Variants in SLC36A1 observed in about 807,000 individuals in gnomAD.
The protein encoded by SLC36A1 is proton-coupled amino acid transporter 1.
Under a neutral mutation model 47.5 loss-of-function variants are expected in SLC36A1, and 30 were observed. That is an observed-to-expected ratio of 0.63 (90% confidence interval 0.47 to 0.86). SLC36A1 has a LOEUF of 0.86. Ranked by LOEUF, SLC36A1 falls within the 40% of genes least tolerant of loss-of-function variation. The probability of loss-of-function intolerance (pLI) is 0.00; values close to 1 mark genes in which losing one functional copy is unlikely to be tolerated. For synonymous variants in SLC36A1, 255 were observed against 249.7 expected, an observed-to-expected ratio of 1.02 and a Z score of -0.20; for missense variants, 517 against 606.0, an observed-to-expected ratio of 0.85 and a Z score of 1.54.
chr5:151,478,760 G>T (rs1207962164), intron 9 of SLC36A1, among the ~76,000 whole-genome samples: 1 of 152,006 alleles, frequency 6.6e-6, no homozygotes, highest in Non-Finnish European at 1.5e-5. Context: ...TTTTTTGTTT[G>T]TTTGTTTGTT....
the SLC36A1 span, chr5:151,380,297 C>T: frequency 1.1e-5 from 3 of 266,772 alleles, no homozygotes; most frequent in Non-Finnish European, 7.5e-6. Flanking sequence ...CCAGCTTGGC[C>T]AACGTGGTGA....
At chr5:151,440,763 CTGA>C (rs1752578399) in intron 1 of SLC36A1, among the ~76,000 whole-genome samples, 1 of 152,118 alleles carries the variant, frequency 6.6e-6, no homozygotes, top group Non-Finnish European at 1.5e-5. Context: ...TCTCACTTTC[CTGA>C]TGATGAAACC....
the SLC36A1 span, chr5:151,521,473 G>C: frequency 6.8e-6 from 11 of 1,614,108 alleles, no homozygotes; most frequent in East Asian, 1.8e-4. Flanking sequence ...CATCTCCTTG[G>C]CTGAGTGAGT....
the SLC36A1 span, chr5:151,549,560 G>A: frequency 7.3e-6 from 11 of 1,516,674 alleles, no homozygotes; most frequent in Non-Finnish European, 9.1e-6. Flanking sequence ...GGAGGAGGCA[G>A]GGTTAGGGTA....
chr5:151,485,185 G>C (rs1449817231), intron 10 of SLC36A1, among the ~76,000 whole-genome samples: 1 of 152,164 alleles, frequency 6.6e-6, no homozygotes, highest in Non-Finnish European at 1.5e-5. Context: ...TAGTAGTTTT[G>C]AGTTTCAGGG....
At chr5:151,389,234 T>C in the SLC36A1 span, among the ~76,000 whole-genome samples, 74,544 of 151,840 alleles carry the variant, frequency 0.49, 20,158 homozygotes, top group African/African-American at 0.74. Flanking sequence ...GTCTGAAGCA[T>C]GCAATACACC....
At chr5:151,523,214 A>G in the SLC36A1 span, among the ~76,000 whole-genome samples, 1 of 152,222 alleles carries the variant, frequency 6.6e-6, no homozygotes, top group African/African-American at 2.4e-5. Context: ...AACAATAATA[A>G]TTAACACTAC....
chr5:151,354,025 C>T, the SLC36A1 span, among the ~76,000 whole-genome samples: 9 of 152,122 alleles, frequency 5.9e-5, no homozygotes, highest in African/African-American at 1.7e-4. Flanking sequence ...TACTATCTGC[C>T]GGGTGCAGTG....
chr5:151,551,345 G>T, the SLC36A1 span: 6 of 1,039,288 alleles, frequency 5.8e-6, no homozygotes, highest in African/African-American at 1.6e-5. Flanking sequence ...CAAGAACTTT[G>T]ATTCTAAATT....
chr5:151,391,404 G>T, the SLC36A1 span, among the ~76,000 whole-genome samples: 1 of 152,024 alleles, frequency 6.6e-6, no homozygotes, highest in Non-Finnish European at 1.5e-5. Context: ...TCTTTCTCCT[G>T]CCTGATTGCC....
At chr5:151,468,266 A>AATATATATATATATATATATAT (rs1554113501) in intron 7 of SLC36A1, among the ~76,000 whole-genome samples, 1 of 63,830 alleles carries the variant, frequency 1.6e-5, no homozygotes, top group African/African-American at 8.8e-5. Flanking sequence ...AAAAAAAAAA[A>AATATATATATATATATATATAT]ATATATATAT....
the SLC36A1 span, among the ~76,000 whole-genome samples, chr5:151,515,465 A>T: frequency 0.79 from 119,712 of 152,090 alleles, 47,584 homozygotes; most frequent in East Asian, 0.96. Context: ...GGCTTGTCTT[A>T]CCAGATCCAC....
chr5:151,423,499 C>G, the SLC36A1 span, among the ~76,000 whole-genome samples: 1 of 152,088 alleles, frequency 6.6e-6, no homozygotes, highest in Non-Finnish European at 1.5e-5. Flanking sequence ...CATGGAGGAG[C>G]CTTAAATGCA....
chr5:151,521,729 C>G, the SLC36A1 span: 3 of 1,614,048 alleles, frequency 1.9e-6, no homozygotes, highest in Non-Finnish European at 2.5e-6. Context: ...TCCTGCCCCA[C>G]ATGCCACACG....
downstream of SLC36A1, among the ~76,000 whole-genome samples, chr5:151,494,889 G>GT (rs1760294182): frequency 6.6e-6 from 1 of 152,076 alleles, no homozygotes; most frequent in African/African-American, 2.4e-5. Context: ...CCATTCGCAA[G>GT]TTTTGGGCTC....
rs182875580 is a variant in SLC36A1, at chr5:151,458,945, T to C, written c.143+10T>C. On this transcript the variant is annotated intron_variant, in intron 2 of 10. Transcript: ENST00000243389. ...AAAGCAATAGCACAACGTGAGTAGC[T>C]GTTACCTTCTCCTCTCCTGGGTGGG... 1 of 1,600,958 alleles carries C rather than the reference T, an allele frequency of 6.2e-7. No individual in the cohort carries two copies. The highest frequency in any genetic ancestry group is 2.2e-5 in the East Asian group (1 of 44,592).
chr5:151,487,286 C>A (rs1456358289), intron 10 of SLC36A1, among the ~76,000 whole-genome samples: 1 of 152,184 alleles, frequency 6.6e-6, no homozygotes, highest in African/African-American at 2.4e-5. Context: ...TGGTATGGCA[C>A]GGAAGCCGAT....
At chr5:151,508,573 T>TA in the SLC36A1 span, among the ~76,000 whole-genome samples, 1 of 152,002 alleles carries the variant, frequency 6.6e-6, no homozygotes, top group Non-Finnish European at 1.5e-5. Context: ...AGCCAGGTGT[T>TA]ATGGCACATG....
At chr5:151,499,778 G>A in the SLC36A1 span, among the ~76,000 whole-genome samples, 1 of 148,520 alleles carries the variant, frequency 6.7e-6, no homozygotes, top group East Asian at 1.9e-4. Context: ...GAAGGAAGTC[G>A]TTTCCCAATT....
Sources: gnomAD v4.1 joint callset for allele counts (sites outside exome capture counted in the v4.1 genomes callset) on GRCh38, gnomAD v4.1.1 for gene constraint, MANE v1.5 for transcripts, NCBI Gene and HGNC (gene_info 2026-07-23, HGNC 2026-07-21) for gene names.